CNTNAP5: variants seen among roughly 807,000 people sequenced by gnomAD.
CNTNAP5 encodes the protein contactin-associated protein-like 5.
In CNTNAP5, 72 loss-of-function variants were observed where a neutral mutation model predicts 150.2. That is an observed-to-expected ratio of 0.48 (90% CI 0.40 to 0.58). The LOEUF is 0.58. Ranked by LOEUF, CNTNAP5 falls within the 20% of genes least tolerant of loss-of-function variation. The pLI, the probability that CNTNAP5 is intolerant of heterozygous loss-of-function variation, is 0.00. For synonymous variants in CNTNAP5, 672 were observed against 619.8 expected (o/e 1.08, Z -1.25); for missense variants, 1,636 against 1,626.2 (o/e 1.01, Z -0.10).
At position 124,647,718 on chromosome 2, in the gene CNTNAP5, C is replaced by T. The variant is rs188925660; in HGVS notation, c.1877-40C>T. 9.5e-4 allele frequency: 1,453 copies of T among 1,528,262 alleles called. 20 individuals carry two copies. Among genetic ancestry groups the T allele is most frequent in the Non-Finnish European group, 2.3e-4 (256 of 1,130,864 alleles). 94.7% of individuals were successfully genotyped at this position (1,528,262 alleles called of 1,614,324 possible). On this transcript the variant is annotated intron_variant, in intron 12 of 23. Coordinates refer to ENST00000682447, the MANE Select transcript of CNTNAP5 (RefSeq NM_001367498.1). ...CTCACATGCTCCATTTTTGACATTGCTTCTAACGTCTCTTGCTTTGTGTTG... is the reference window on the plus strand; with the variant it reads ...CTCACATGCTCCATTTTTGACATTGTTTCTAACGTCTCTTGCTTTGTGTTG...
chr2:124,881,862 T>G (rs958504844), intron 21 of CNTNAP5, among the ~76,000 whole-genome samples: 12 of 152,182 alleles, frequency 7.9e-5, no homozygotes, highest in African/African-American at 2.9e-4. Flanking sequence ...TGTCTATGCT[T>G]CTATGTGTTT....
chr2:124,168,307 G>A (rs994534771), intron 1 of CNTNAP5, among the ~76,000 whole-genome samples: 2 of 152,156 alleles, frequency 1.3e-5, no homozygotes, highest in African/African-American at 4.8e-5. Flanking sequence ...GAGTCTGCCC[G>A]GACGTTGGAC....
At chr2:124,188,859 T>C (rs942079410) in intron 1 of CNTNAP5, among the ~76,000 whole-genome samples, 1 of 152,270 alleles carries the variant, frequency 6.6e-6, no homozygotes, top group Admixed American at 6.5e-5. Context: ...GACATTGTCA[T>C]GCTTCAGACA....
rs1681844925 is a variant in CNTNAP5, at chr2:124,056,332, A to G, written c.82+30600A>G. Among the ~76,000 whole-genome samples, 3 of 152,026 alleles carry G rather than the reference A, an allele frequency of 2.0e-5. No homozygotes were observed. In the South Asian group the frequency reaches 6.2e-4, roughly 32 times the overall value. On this transcript the variant is annotated intron_variant, in intron 1 of 23. Coordinates refer to ENST00000682447, the MANE Select transcript of CNTNAP5 (RefSeq NM_001367498.1). ...TTTCTGTCTCAGCATCTTCTATACA[A>G]CTGGAGTGATGGCCAGGCACGGTGG... is the stretch of plus-strand genomic sequence containing the variant.
rs977815569 is a variant in CNTNAP5, at chr2:124,139,933, C to T, written c.83-81772C>T. 9.5e-4 allele frequency among the ~76,000 whole-genome samples: 144 copies of T among 152,142 alleles called. 1 individual carries two copies. Among genetic ancestry groups the T allele is most frequent in the Non-Finnish European group, 3.1e-4 (21 of 68,022 alleles). On this transcript the variant is annotated intron_variant, in intron 1 of 23. Transcript: ENST00000682447. ...GTGGGCGCAGGCCAGTGTGTGCGCG[C>T]ACCGTGCACGAGCCGAAGCAGGGCG... is the stretch of plus-strand genomic sequence containing the variant.
rs1553474662 is a variant in CNTNAP5, at chr2:124,510,303, A to ATATATATATATCTATATATCTATC, written c.1327+5756_1327+5757insATCTATATATCTATCTATATATAT. On this transcript the variant is annotated intron_variant, in intron 8 of 23. Coordinates refer to ENST00000682447, the MANE Select transcript of CNTNAP5 (RefSeq NM_001367498.1). ...TCTATATCTATATATCTATATATCT[A>ATATATATATATCTATATATCTATC]TATATATATCTATATATCTATCTAT... Among the ~76,000 whole-genome samples, 67 of 127,224 alleles carry ATATATATATATCTATATATCTATC rather than the reference A, an allele frequency of 5.3e-4. 6 individuals carry two copies. In the East Asian group the frequency reaches 8.9e-3, roughly 17 times the overall value. The allele number at this position is 127,224 out of a possible 152,430, so 83.5% of individuals were successfully genotyped here. A position where few individuals can be genotyped will look rare whatever the true frequency, so the allele number is the denominator to read the frequency against.
At chr2:124,093,998 G>GAGCT (rs1203782990) in intron 1 of CNTNAP5, among the ~76,000 whole-genome samples, 4 of 152,190 alleles carry the variant, frequency 2.6e-5, no homozygotes, top group African/African-American at 9.7e-5. Flanking sequence ...GGCTAATAGA[G>GAGCT]AGCTAATGGA....
intron 1 of CNTNAP5, among the ~76,000 whole-genome samples, chr2:124,119,739 C>T (rs1683516478): frequency 6.6e-6 from 1 of 152,068 alleles, no homozygotes; most frequent in Admixed American, 6.6e-5. Flanking sequence ...AAAATCCCAC[C>T]CCTTAAAGAC....
intron 12 of CNTNAP5, among the ~76,000 whole-genome samples, chr2:124,632,377 AAAG>A (rs1677882286): frequency 6.6e-6 from 1 of 152,232 alleles, no homozygotes; most frequent in Non-Finnish European, 1.5e-5. Flanking sequence ...GCAGCAATAA[AAAG>A]AAACGAGATC....
intron 3 of CNTNAP5, among the ~76,000 whole-genome samples, chr2:124,257,285 C>T (rs773778699): frequency 5.3e-5 from 8 of 152,204 alleles, no homozygotes; most frequent in African/African-American, 1.7e-4. Context: ...GCAACCTCTG[C>T]TATTACTCCT....
intron 7 of CNTNAP5, among the ~76,000 whole-genome samples, chr2:124,502,834 G>A (rs1170291728): frequency 6.6e-6 from 1 of 152,164 alleles, no homozygotes; most frequent in Non-Finnish European, 1.5e-5. Flanking sequence ...AGAGATGGTG[G>A]CTAAAAGCAA....
intron 19 of CNTNAP5, among the ~76,000 whole-genome samples, chr2:124,858,711 A>T (rs988010510): frequency 2.3e-4 from 35 of 152,226 alleles, no homozygotes; most frequent in Non-Finnish European, 1.0e-4. Context: ...TGGATACACA[A>T]AAAATAAAAA....
chr2:124,724,525 G>C lies in CNTNAP5; in HGVS notation c.2078-22704G>C, dbSNP rs139765721. 5.4e-3 allele frequency among the ~76,000 whole-genome samples: 827 copies of C among 152,246 alleles called. 9 individuals are homozygous for C. The highest frequency in any genetic ancestry group is 0.019 in the African/African-American group (769 of 41,550). On this transcript the variant is annotated intron_variant, in intron 13 of 23. Coordinates refer to ENST00000682447, the MANE Select transcript of CNTNAP5 (RefSeq NM_001367498.1). ...ATCAATTAATTCACCAATATTTTCT[G>C]ATAGCCTATGCTCAAATCACCATAA... is the stretch of plus-strand genomic sequence containing the variant.
At chr2:124,684,700 C>G (rs1679152213) in intron 13 of CNTNAP5, among the ~76,000 whole-genome samples, 1 of 152,146 alleles carries the variant, frequency 6.6e-6, no homozygotes, top group African/African-American at 2.4e-5. Context: ...AAAATCTATG[C>G]AATACTCATC....
chr2:124,559,853 A>G (rs1314954158), intron 10 of CNTNAP5, among the ~76,000 whole-genome samples: 1 of 152,192 alleles, frequency 6.6e-6, no homozygotes. Flanking sequence ...TTTTCTAATC[A>G]CAGTGTGCAT....
intron 19 of CNTNAP5, among the ~76,000 whole-genome samples, chr2:124,839,875 C>T (rs1682911086): frequency 6.6e-6 from 1 of 152,154 alleles, no homozygotes; most frequent in African/African-American, 2.4e-5. Flanking sequence ...TGTGAGGGAA[C>T]TCAAACTCAA....
intron 1 of CNTNAP5, among the ~76,000 whole-genome samples, chr2:124,209,878 G>A (rs142525924): frequency 1.8e-3 from 279 of 152,284 alleles, no homozygotes; most frequent in African/African-American, 6.3e-3. Context: ...TTTACATCCC[G>A]TGCAGTAAGT....
At chr2:124,799,987 A>C (rs1681932118) in intron 19 of CNTNAP5, among the ~76,000 whole-genome samples, 1 of 152,234 alleles carries the variant, frequency 6.6e-6, no homozygotes, top group South Asian at 2.1e-4. Flanking sequence ...GATTATGATT[A>C]GGACCATTCT....
At chr2:124,555,193 T>C (rs1695722144) in intron 10 of CNTNAP5, among the ~76,000 whole-genome samples, 1 of 152,224 alleles carries the variant, frequency 6.6e-6, no homozygotes, top group Admixed American at 6.5e-5. Context: ...GTGACCTTTT[T>C]TCTCTTTCAG....
Sources: allele counts gnomAD v4.1 joint callset (sites outside exome capture counted in the v4.1 genomes callset), GRCh38; gene constraint gnomAD v4.1.1; transcripts MANE v1.5; gene names NCBI Gene and HGNC (gene_info 2026-07-23, HGNC 2026-07-21).